TSC2: variants seen among roughly 807,000 people sequenced by gnomAD.
TSC2 encodes the protein tuberin.
TSC2 carries 29 observed loss-of-function variants against 202.2 expected under a neutral mutation model. That is an observed-to-expected ratio of 0.14 (90% confidence interval 0.11 to 0.20). The LOEUF (loss-of-function observed/expected upper bound fraction) is 0.20. Among genes scored for constraint, TSC2 ranks in the 10% least tolerant of loss-of-function variants. TSC2 has a pLI of 1.00. For missense variants in TSC2, 2,429 were observed against 2,420.0 expected (o/e 1.00, Z -0.08); for synonymous variants, 1,349 against 1,044.0 (o/e 1.29, Z -5.63).
intron 32 of TSC2, chr16:2,083,330 CTCGG>C: frequency 2.2e-6 from 1 of 457,984 alleles, no homozygotes; most frequent in Non-Finnish European, 4.3e-6. Flanking sequence ...CGCAGCTCTC[CTCGG>C]TTACGAGGGC....
chr16:2,070,678 A>T (rs1185358818), intron 17 of TSC2, 100 bp downstream of exon 17: 2 of 1,567,920 alleles, frequency 1.3e-6, no homozygotes, highest in Non-Finnish European at 1.7e-6. Context: ...CGGCCCCAGG[A>T]TGGGGCCTCA....
At chr16:2,050,529 T>C (rs774501059) in intron 3 of TSC2, 43 bp downstream of exon 3, 7 of 1,568,848 alleles carry the variant, frequency 4.5e-6, no homozygotes, top group African/African-American at 1.4e-5. Flanking sequence ...GCACGTAGAC[T>C]ATTCAGAGCC....
At chr16:2,083,112 C>G in intron 32 of TSC2, 1 of 455,344 alleles carries the variant, frequency 2.2e-6, no homozygotes, top group Non-Finnish European at 4.4e-6. Flanking sequence ...CTGTGGGGCG[C>G]CCGGGGGCTG....
intron 24 of TSC2, 61 bp downstream of exon 24, chr16:2,076,231 G>C (rs935020252): frequency 1.2e-6 from 2 of 1,608,176 alleles, no homozygotes; most frequent in Admixed American, 3.4e-5. Context: ...TTTGCCCTTG[G>C]CTGTCCATGG....
In TSC2 at chr16:2,088,629, T is replaced by C. The variant is rs1365017011; in HGVS notation, c.*19T>C. ...TGTGTGAGGCCGGGGCCCTCCCTCCTGCACTGGCCTTGGACGGTATTGCCT... is the reference window on the plus strand; with the variant it reads ...TGTGTGAGGCCGGGGCCCTCCCTCCCGCACTGGCCTTGGACGGTATTGCCT... On this transcript the variant is annotated 3_prime_UTR_variant, in exon 42 of 42. Transcript: ENST00000219476. The C allele has an allele frequency of 1.3e-6, 2 of 1,596,602 alleles. No homozygotes were observed. The highest frequency in any genetic ancestry group is 1.3e-5 in the African/African-American group (1 of 74,694).
chr16:2,068,987 G>A (rs759503844), intron 16 of TSC2, among the ~76,000 whole-genome samples: 15 of 152,068 alleles, frequency 9.9e-5, no homozygotes, highest in Non-Finnish European at 1.6e-4. Flanking sequence ...TGAGGGGACT[G>A]AGGAGGAAGG....
chr16:2,076,310 G>A (rs2089358640), intron 24 of TSC2, 140 bp downstream of exon 24: 2 of 1,558,904 alleles, frequency 1.3e-6, no homozygotes, highest in South Asian at 1.2e-5. Flanking sequence ...GGCGCTGGGG[G>A]CTCTGCTGGG....
chr16:2,082,258 C>A, intron 31 of TSC2, 178 bp from the exon 32 acceptor site: 2 of 694,274 alleles, frequency 2.9e-6, no homozygotes, highest in Non-Finnish European at 2.5e-6. Flanking sequence ...AGGAGGGAGG[C>A]ACTGCCCTCC....
At chr16:2,075,999 T>C (rs929897193) in intron 23 of TSC2, 69 bp from the exon 24 acceptor site, 2 of 1,612,962 alleles carry the variant, frequency 1.2e-6, no homozygotes, top group Non-Finnish European at 1.7e-6. Flanking sequence ...GCCTCGGTTT[T>C]TTGCACTTCA....
Position 2,055,380 on chromosome 16 carries a change from ACTGCCGCCG to A in TSC2, c.482-19_482-11del. The A allele has an allele frequency of 6.2e-7, 1 of 1,605,218 alleles. No individual in the cohort carries two copies. On this transcript the variant is annotated splice_polypyrimidine_tract_variant and intron_variant, in intron 5 of 41. Coordinates refer to ENST00000219476, the MANE Select transcript of TSC2 (RefSeq NM_000548.5). ...AGATGTAGATTCGGCGTCCTCGCAA[ACTGCCGCCG>A]CTTCTCCCCCAGCTGACTTTGTCCT...
At chr16:2,072,109 G>A (rs1347216421) in intron 19 of TSC2, 132 bp from the exon 20 acceptor site, 2 of 1,549,068 alleles carry the variant, frequency 1.3e-6, no homozygotes, top group South Asian at 1.2e-5. Context: ...CGCTGGGCAG[G>A]CTCCCCCGGC....
Position 2,084,417 on chromosome 16 carries a change from G to C in TSC2, c.4195G>C (p.Gly1399Arg), listed in dbSNP as rs45466399. ...GCTGCAGACTCTGCAGGACATCCTC[G>C]GGGACCCTGGGGACAAGGCCGACGT... ...PELQTLQDIL[G>R]DPGDKADVGR... The change falls in exon 34 of 42, where the codon GGG becomes CGG. Residue 1399 changes from glycine (G) to arginine (R), a missense_variant. Coordinates refer to ENST00000219476, the MANE Select transcript of TSC2 (RefSeq NM_000548.5). 1 of 1,611,108 alleles carries C rather than the reference G, an allele frequency of 6.2e-7. No individual in the cohort carries two copies. The highest frequency in any genetic ancestry group is 2.2e-5 in the East Asian group (1 of 44,776).
intron 15 of TSC2, chr16:2,064,665 T>G: frequency 1.6e-6 from 1 of 635,178 alleles, no homozygotes; most frequent in Non-Finnish European, 2.7e-6. Context: ...ACAGCTGGGC[T>G]GGGCCTCCTG....
intron 13 of TSC2, 105 bp downstream of exon 13, chr16:2,062,705 C>T (rs2086793507): frequency 3.2e-6 from 4 of 1,245,650 alleles, no homozygotes; most frequent in Non-Finnish European, 4.6e-6. Flanking sequence ...CAGGGCCCTC[C>T]CCTCTGCCTC....
chr16:2,060,654 CG>C lies in TSC2; in HGVS notation c.976-13del. ...AGCAGCTCTGACCCTGTGTGCTGGCCGGGCTCGTGTTCCAGGCCATGGCATG... is the reference window on the plus strand; with the variant it reads ...AGCAGCTCTGACCCTGTGTGCTGGCCGGCTCGTGTTCCAGGCCATGGCATG... On this transcript the variant is annotated splice_polypyrimidine_tract_variant and intron_variant, in intron 10 of 41. Coordinates refer to ENST00000219476, the MANE Select transcript of TSC2 (RefSeq NM_000548.5). 1.2e-6 allele frequency: 2 copies of C among 1,613,934 alleles called. No homozygotes were observed. The highest frequency in any genetic ancestry group is 1.1e-5 in the South Asian group (1 of 91,068).
chr16:2,054,048 G>A (rs2151036024), intron 4 of TSC2: 7 of 578,546 alleles, frequency 1.2e-5, no homozygotes, highest in East Asian at 1.2e-4. Flanking sequence ...CCTGCTCTGC[G>A]CCACCCGCTG....
chr16:2,056,494 C>G (rs2085843038), intron 7 of TSC2, 150 bp from the exon 8 acceptor site: 2 of 1,272,394 alleles, frequency 1.6e-6, no homozygotes, highest in Non-Finnish European at 2.2e-6. Context: ...TCCCACATGC[C>G]CGCTTGCCCT....
At chr16:2,063,367 C>T (rs867399762) in intron 14 of TSC2, 2 of 523,394 alleles carry the variant, frequency 3.8e-6, no homozygotes, top group East Asian at 3.4e-5. Flanking sequence ...TTCAGCCAGT[C>T]TTGCATGGGG....
At position 2,055,496 on chromosome 16, in the gene TSC2, C is replaced by T. The variant is rs761704292; in HGVS notation, c.576C>T (p.Asp192=). Reference sequence around the variant, plus strand: ...TCAAATTCAATAGCTGTTACCTCGACGAGTACATCGCAAGGATGGTTCAGT... The same window carrying T: ...TCAAATTCAATAGCTGTTACCTCGATGAGTACATCGCAAGGATGGTTCAGT... ...NLVKFNSCYL[D]EYIARMVQMI... Residue 192 remains aspartate (D), a synonymous_variant, in exon 6 of 42, where the codon GAC becomes GAT. Coordinates refer to ENST00000219476, the MANE Select transcript of TSC2 (RefSeq NM_000548.5). 36 of 1,614,056 alleles carry T rather than the reference C, an allele frequency of 2.2e-5. No individual in the cohort carries two copies. Among genetic ancestry groups the T allele is most frequent in the Middle Eastern group, 3.3e-4 (2 of 6,062 alleles).
Sources: allele counts gnomAD v4.1 joint callset (sites outside exome capture counted in the v4.1 genomes callset), GRCh38; gene constraint gnomAD v4.1.1; transcripts MANE v1.5; gene names NCBI Gene and HGNC (gene_info 2026-07-23, HGNC 2026-07-21).